Variants in SCOC observed in about 807,000 individuals in gnomAD.
The protein encoded by SCOC is short coiled-coil protein.
SCOC carries 7 observed loss-of-function variants against 9.9 expected under a neutral mutation model. That is an observed-to-expected ratio of 0.71 (90% CI 0.40 to 1.33). The LOEUF (loss-of-function observed/expected upper bound fraction) is 1.33, where lower values mean the gene tolerates loss of function less well. Ranked by LOEUF, SCOC falls within the 40% of genes most tolerant of loss-of-function variation. SCOC has a pLI of 0.01. For missense variants in SCOC, 66 were observed against 89.7 expected (o/e 0.74, Z 1.07); for synonymous variants, 19 against 28.2 (o/e 0.67, Z 1.03).
At chr4:140,289,652 A>G (rs1399813021) in intron 1 of SCOC, among the ~76,000 whole-genome samples, 2 of 152,178 alleles carry the variant, frequency 1.3e-5, no homozygotes, top group African/African-American at 4.8e-5. Flanking sequence ...TTGTCACCAA[A>G]TGGTCCATTG....
At chr4:140,355,358 T>C (rs955205536) in intron 2 of SCOC, among the ~76,000 whole-genome samples, 1 of 151,756 alleles carries the variant, frequency 6.6e-6, no homozygotes, top group African/African-American at 2.4e-5. Context: ...CCAGGCACTG[T>C]GCTAAGAAAT....
At chr4:140,300,226 C>T (rs1205688520) in intron 1 of SCOC, among the ~76,000 whole-genome samples, 5 of 152,206 alleles carry the variant, frequency 3.3e-5, no homozygotes, top group African/African-American at 1.2e-4. Context: ...TAGCAAAGAA[C>T]CAGAATTGTT....
chr4:140,303,318 T>C (rs1222351143), intron 1 of SCOC, among the ~76,000 whole-genome samples: 1 of 152,228 alleles, frequency 6.6e-6, no homozygotes, highest in African/African-American at 2.4e-5. Flanking sequence ...ATTTTATCTT[T>C]CTTTATCTCC....
At chr4:140,330,124 TA>T (rs778369472) in intron 1 of SCOC, among the ~76,000 whole-genome samples, 1 of 152,104 alleles carries the variant, frequency 6.6e-6, no homozygotes, top group Non-Finnish European at 1.5e-5. Context: ...TACTCAGTCA[TA>T]AAAAGAAATA....
intron 1 of SCOC, among the ~76,000 whole-genome samples, chr4:140,277,833 G>T (rs114737570): frequency 1.3e-5 from 2 of 152,136 alleles, no homozygotes; most frequent in Admixed American, 6.5e-5. Context: ...GAATTATCCT[G>T]GATGTAACTT....
At chr4:140,337,322 T>C (rs112322672) in intron 1 of SCOC, among the ~76,000 whole-genome samples, 102 of 152,298 alleles carry the variant, frequency 6.7e-4, no homozygotes, top group African/African-American at 2.4e-3. Context: ...AAATCCAAGT[T>C]GATCCACAAA....
intron 1 of SCOC, among the ~76,000 whole-genome samples, chr4:140,327,540 C>CT (rs1041964738): frequency 1.3e-5 from 2 of 152,196 alleles, no homozygotes; most frequent in African/African-American, 4.8e-5. Context: ...TGGCACATGG[C>CT]TGTAGTCCTA....
chr4:140,317,683 T>A (rs998659577), intron 1 of SCOC, among the ~76,000 whole-genome samples: 7 of 143,474 alleles, frequency 4.9e-5, no homozygotes, highest in South Asian at 2.1e-4. Context: ...TTATTTTATT[T>A]GTATTATTAT....
intron 1 of SCOC, among the ~76,000 whole-genome samples, chr4:140,312,497 T>C (rs556943550): frequency 6.6e-6 from 1 of 152,290 alleles, no homozygotes; most frequent in South Asian, 2.1e-4. Context: ...GGTGCCGTTA[T>C]AGCTCACTGT....
chr4:140,361,490 C>A (rs970647190), intron 2 of SCOC, among the ~76,000 whole-genome samples: 5 of 152,032 alleles, frequency 3.3e-5, no homozygotes, highest in African/African-American at 1.2e-4. Context: ...ATAATGAGAC[C>A]TCATCTCTAC....
chr4:140,379,967 T>C (rs1185974845), intron 3 of SCOC, among the ~76,000 whole-genome samples: 1 of 152,170 alleles, frequency 6.6e-6, no homozygotes, highest in African/African-American at 2.4e-5. Context: ...AAAAACAATG[T>C]ATTAGCCTTG....
rs1432348236 is a variant in SCOC at position 140,373,665 on chromosome 4, C to G, written c.-103C>G. 1 of 1,551,280 alleles carries G rather than the reference C, an allele frequency of 6.4e-7. No homozygotes were observed. Among genetic ancestry groups the G allele is most frequent in the Non-Finnish European group, 8.7e-7 (1 of 1,146,966 alleles). On this transcript the variant is annotated 5_prime_UTR_variant, in exon 1 of 4. Transcript: ENST00000608372. ...GCCGGGGTCAGTTGGTCCAAGTGTCCCGGCCTGAGGTGTCGGCCGGATCCC... is the reference window on the plus strand; with the variant it reads ...GCCGGGGTCAGTTGGTCCAAGTGTCGCGGCCTGAGGTGTCGGCCGGATCCC...
At chr4:140,343,778 T>C in intron 2 of SCOC, 1 of 1,110,622 alleles carries the variant, frequency 9.0e-7, no homozygotes, top group Non-Finnish European at 1.3e-6. Flanking sequence ...AATATAACTT[T>C]TATTATTTTC....
chr4:140,355,228 T>TGATATATATATATATATATATATATG, intron 2 of SCOC, among the ~76,000 whole-genome samples: 1 of 128,748 alleles, frequency 7.8e-6, no homozygotes, highest in African/African-American at 2.9e-5. Flanking sequence ...TATATATATA[T>TGATATATATATATATATATATATATG]ATATATATAT....
At chr4:140,353,539 T>C (rs2126533969) in intron 2 of SCOC, among the ~76,000 whole-genome samples, 1 of 152,180 alleles carries the variant, frequency 6.6e-6, no homozygotes, top group South Asian at 2.1e-4. Flanking sequence ...TCCTCCTGAG[T>C]AGCTGGGATT....
chr4:140,352,157 T>G (rs140586039), intron 2 of SCOC, among the ~76,000 whole-genome samples: 1 of 152,164 alleles, frequency 6.6e-6, no homozygotes, highest in Admixed American at 6.5e-5. Flanking sequence ...CTTTACACCC[T>G]CCAATGAATT....
At chr4:140,345,792 G>A (rs1476704299) in intron 2 of SCOC, among the ~76,000 whole-genome samples, 1 of 152,050 alleles carries the variant, frequency 6.6e-6, no homozygotes, top group Admixed American at 6.6e-5. Context: ...TAAATGCCTT[G>A]CCCAAGAGCA....
intron 1 of SCOC, chr4:140,285,366 A>T (rs1169016302): frequency 4.5e-6 from 2 of 443,572 alleles, no homozygotes; most frequent in African/African-American, 2.0e-5. Flanking sequence ...AAAATACCAG[A>T]TGACTGAACT....
At chr4:140,372,414 T>A (rs186622037), upstream of SCOC, among the ~76,000 whole-genome samples, 1 of 152,370 alleles carries the variant, frequency 6.6e-6, no homozygotes, top group Non-Finnish European at 1.5e-5. Flanking sequence ...AATAAGTACT[T>A]CTTGAATCTG....
Sources: allele counts gnomAD v4.1 joint callset (sites outside exome capture counted in the v4.1 genomes callset), GRCh38; gene constraint gnomAD v4.1.1; transcripts MANE v1.5; gene names NCBI Gene and HGNC (gene_info 2026-07-23, HGNC 2026-07-21).